LRRC69: variants seen among roughly 807,000 people sequenced by gnomAD.
LRRC69 encodes the protein leucine-rich repeat-containing protein 69.
Under a neutral mutation model 37.8 loss-of-function variants are expected in LRRC69, and 42 were observed. That is an observed-to-expected ratio of 1.11 (90% CI 0.87 to 1.44). The LOEUF is 1.44. Among genes scored for constraint, LRRC69 ranks in the 40% most tolerant of loss-of-function variants. The probability of loss-of-function intolerance (pLI) is 0.00; values close to 1 mark genes in which losing one functional copy is unlikely to be tolerated. For missense variants in LRRC69, 357 were observed against 401.9 expected, an observed-to-expected ratio of 0.89 and a Z score of 0.96; for synonymous variants, 141 against 143.1, an observed-to-expected ratio of 0.99 and a Z score of 0.11.
At chr8:91,135,593 A>G (rs558096434) in intron 4 of LRRC69, 75 bp from the exon 5 acceptor site, 1 of 994,218 alleles carries the variant, frequency 1.0e-6, no homozygotes, top group East Asian at 3.0e-5. Context: ...TTGGAGCTTT[A>G]AAAAAATTTA....
At chr8:91,122,742 C>T (rs1198096366) in intron 1 of LRRC69, among the ~76,000 whole-genome samples, 1 of 151,998 alleles carries the variant, frequency 6.6e-6, no homozygotes. Flanking sequence ...GTGCATGTTT[C>T]ACTAAATTTA....
rs533756504 is a variant in LRRC69 at position 91,161,008 on chromosome 8, T to G, written c.651+25269T>G. On this transcript the variant is annotated intron_variant, in intron 5 of 7. Transcript: ENST00000448384. Reference sequence around the variant, plus strand: ...GTTGAGAGTTTTTATCATGACAAGGTGTAGAATTTTATCAAATCCGTTTTC... The same window carrying G: ...GTTGAGAGTTTTTATCATGACAAGGGGTAGAATTTTATCAAATCCGTTTTC... Among the ~76,000 whole-genome samples the G allele has an allele frequency of 7.3e-5, 11 of 151,424 alleles. 1 individual carries two copies. In the East Asian group the frequency reaches 2.1e-3, roughly 29 times the overall value.
At chr8:91,191,565 GA>G (rs1809496721) in intron 6 of LRRC69, among the ~76,000 whole-genome samples, 1 of 152,134 alleles carries the variant, frequency 6.6e-6, no homozygotes, top group Admixed American at 6.5e-5. Flanking sequence ...TAAGTGTTGG[GA>G]CAATGACGCC....
chr8:91,186,703 T>G (rs1809413791), intron 5 of LRRC69, among the ~76,000 whole-genome samples: 1 of 152,096 alleles, frequency 6.6e-6, no homozygotes, highest in Admixed American at 6.6e-5. Context: ...TGCGCTGAGA[T>G]GAATTCAAGT....
At chr8:91,132,814 G>A (rs1813830490) in intron 3 of LRRC69, among the ~76,000 whole-genome samples, 2 of 151,820 alleles carry the variant, frequency 1.3e-5, no homozygotes, top group African/African-American at 2.4e-5. Context: ...CTTGGGTATG[G>A]CCAATGTATA....
intron 7 of LRRC69, among the ~76,000 whole-genome samples, chr8:91,215,527 G>C (rs1228691737): frequency 6.6e-6 from 1 of 152,064 alleles, no homozygotes; most frequent in African/African-American, 2.4e-5. Context: ...AAAACACGTA[G>C]AGAATATAAT....
intron 5 of LRRC69, among the ~76,000 whole-genome samples, chr8:91,150,791 A>C (rs1040788098): frequency 6.6e-6 from 1 of 151,866 alleles, no homozygotes; most frequent in African/African-American, 2.4e-5. Context: ...CAGAGATTCA[A>C]CTTCTTCCTG....
At chr8:91,135,548 T>A in intron 4 of LRRC69, 120 bp from the exon 5 acceptor site, 1 of 596,834 alleles carries the variant, frequency 1.7e-6, no homozygotes, top group Non-Finnish European at 2.9e-6. Flanking sequence ...AATTGGTCAG[T>A]ACAGTGATTA....
At chr8:91,219,150 T>A, downstream of LRRC69, 1 of 413,640 alleles carries the variant, frequency 2.4e-6, no homozygotes, top group Non-Finnish European at 4.3e-6. Context: ...ACGTTCCCAA[T>A]CTAAGCACTA....
At chr8:91,138,233 C>T (rs971497896) in intron 5 of LRRC69, among the ~76,000 whole-genome samples, 4 of 151,902 alleles carry the variant, frequency 2.6e-5, no homozygotes, top group Non-Finnish European at 4.4e-5. Context: ...TAGCAATCAT[C>T]TACTCTCTAC....
rs115105359 is a variant in LRRC69 at position 91,161,123 on chromosome 8, T to G, written c.651+25384T>G. ...TTACTTATTAGCATATATTGAACCA[T>G]CCTTGAATCCATGGCCTAAATCCAC... On this transcript the variant is annotated intron_variant, in intron 5 of 7. Coordinates refer to ENST00000448384, the Ensembl canonical transcript of LRRC69. Among the ~76,000 whole-genome samples the G allele has an allele frequency of 7.6e-3, 1,159 of 151,542 alleles. 17 individuals are homozygous for G. Among genetic ancestry groups the G allele is most frequent in the African/African-American group, 0.027 (1,122 of 41,480 alleles).
chr8:91,105,685 C>G (rs953910293), intron 1 of LRRC69, among the ~76,000 whole-genome samples: 25 of 144,990 alleles, frequency 1.7e-4, no homozygotes, highest in African/African-American at 5.9e-4. Context: ...AAAGGAAAGG[C>G]AGATGAAGGT....
At chr8:91,157,704 A>G in intron 5 of LRRC69, 1 of 1,601,560 alleles carries the variant, frequency 6.2e-7, no homozygotes, top group Non-Finnish European at 8.5e-7. Context: ...GGCATGAAGC[A>G]AAAATATACT....
At chr8:91,127,524 G>A (rs1158826367) in intron 3 of LRRC69, among the ~76,000 whole-genome samples, 2 of 132,276 alleles carry the variant, frequency 1.5e-5, no homozygotes, top group Non-Finnish European at 3.1e-5. Flanking sequence ...TGATGGAAAA[G>A]GTAATGTAAA....
At chr8:91,211,595 AATAT>A (rs144378729) in intron 7 of LRRC69, among the ~76,000 whole-genome samples, 2 of 140,430 alleles carry the variant, frequency 1.4e-5, no homozygotes, top group African/African-American at 2.6e-5. Context: ...CAATTATACA[AATAT>A]ATATATATAT....
In LRRC69 at chr8:91,157,694, G is replaced by A. The variant is rs532163682; in HGVS notation, c.651+21955G>A. 1.4e-4 allele frequency: 229 copies of A among 1,597,742 alleles called. 3 individuals carry two copies. The highest frequency in any genetic ancestry group is 3.3e-4 in the Middle Eastern group (2 of 6,002). On this transcript the variant is annotated intron_variant, in intron 5 of 7. Coordinates refer to ENST00000448384, the Ensembl canonical transcript of LRRC69. ...ACAGCTAGCTGATCATTACACAGGCGGCATGAAGCAAAAATATACTGTGAA... is the reference window on the plus strand; with the variant it reads ...ACAGCTAGCTGATCATTACACAGGCAGCATGAAGCAAAAATATACTGTGAA...
intron 1 of LRRC69, among the ~76,000 whole-genome samples, chr8:91,114,849 A>T (rs183866601): frequency 2.6e-5 from 4 of 152,208 alleles, no homozygotes; most frequent in African/African-American, 9.6e-5. Flanking sequence ...CTGTATATGC[A>T]TTGGAATATT....
chr8:91,150,261 C>T (rs1224862977), intron 5 of LRRC69, among the ~76,000 whole-genome samples: 1 of 151,856 alleles, frequency 6.6e-6, no homozygotes, highest in Admixed American at 6.6e-5. Flanking sequence ...TACATCCCAT[C>T]AATACCTAAT....
chr8:91,172,981 CAGG>C (rs1809160581), intron 5 of LRRC69, among the ~76,000 whole-genome samples: 1 of 151,996 alleles, frequency 6.6e-6, no homozygotes, highest in Admixed American at 6.6e-5. Context: ...AAATGTCTGA[CAGG>C]AGATTGCTTT....
Sources: gnomAD v4.1 joint callset for allele counts (sites outside exome capture counted in the v4.1 genomes callset) on GRCh38, gnomAD v4.1.1 for gene constraint, MANE v1.5 for transcripts, NCBI Gene and HGNC (gene_info 2026-07-23, HGNC 2026-07-21) for gene names.